Variants in KCNQ1OT1 observed in about 807,000 individuals in gnomAD.
KCNQ1OT1 encodes the protein KCNQ1 antisense RNA 2 (non-protein coding).
In KCNQ1OT1 at chr11:2,626,643, C is replaced by T; in HGVS notation, n.73352G>A. On this transcript the variant is annotated non_coding_transcript_exon_variant, in exon 1 of 1. Coordinates refer to ENST00000597346, the Ensembl canonical transcript of KCNQ1OT1. The surrounding 1 kb of genome is among the most constrained non-coding windows in gnomAD (Gnocchi z 4.0). ...TCCCAGGCTCAAGCAATCCTCCCAC[C>T]TCGGCTTCTTGAGTAGCTGGGAATA... The T allele has an allele frequency of 1.0e-5, 4 of 398,654 alleles. No homozygotes were observed. The highest frequency in any genetic ancestry group is 1.8e-5 in the Non-Finnish European group (4 of 226,112). 24.7% of individuals were successfully genotyped at this position (398,654 alleles called of 1,614,324 possible).
exon 1 of KCNQ1OT1, chr11:2,680,654 C>T (rs1170993532): frequency 7.5e-6 from 3 of 398,442 alleles, no homozygotes; most frequent in South Asian, 1.3e-4. Flanking sequence ...CATTGATAGT[C>T]TCACTACAGG....
rs551695922 is a variant in KCNQ1OT1 at position 2,645,649 on chromosome 11, C to T, written n.54346G>A. On this transcript the variant is annotated non_coding_transcript_exon_variant, in exon 1 of 1. Transcript: ENST00000597346. This position sits in a 1 kb window ranked among gnomAD's most constrained non-coding sequence, Gnocchi z 5.8. ...ACCTTTCCTCATGGCAGCCTTGCTTCGGAGGTAGCAGAGTATTGCCAATGG... is the reference window on the plus strand; with the variant it reads ...ACCTTTCCTCATGGCAGCCTTGCTTTGGAGGTAGCAGAGTATTGCCAATGG... 2.0e-4 allele frequency: 80 copies of T among 398,672 alleles called. No individual in the cohort carries two copies. Among genetic ancestry groups the T allele is most frequent in the African/African-American group, 1.4e-3 (69 of 48,714 alleles). 24.7% of individuals were successfully genotyped at this position (398,672 alleles called of 1,614,324 possible).
At chr11:2,680,138 C>T (rs1164200023) in exon 1 of KCNQ1OT1, 11 of 396,102 alleles carry the variant, frequency 2.8e-5, no homozygotes, top group African/African-American at 1.9e-4. Context: ...GTGATCTGCC[C>T]GCCTCAGCCT....
exon 1 of KCNQ1OT1, chr11:2,680,282 A>G (rs1850372136): frequency 2.5e-6 from 1 of 396,698 alleles, no homozygotes; most frequent in Non-Finnish European, 4.4e-6. Flanking sequence ...TTGAAACTTC[A>G]TTCAATTTAG....
Position 2,657,707 on chromosome 11 carries a change from C to T in KCNQ1OT1, n.42288G>A, listed in dbSNP as rs1283949887. On this transcript the variant is annotated non_coding_transcript_exon_variant, in exon 1 of 1. Coordinates refer to ENST00000597346, the Ensembl canonical transcript of KCNQ1OT1. This position sits in a 1 kb window ranked among gnomAD's most constrained non-coding sequence, Gnocchi z 4.8. ...TCTGTTCCAAGATCCCATCTAGGAT[C>T]GATCATTACATTTATTGTCATCTCT... The T allele has an allele frequency of 7.5e-6, 3 of 398,482 alleles. No individual in the cohort carries two copies. The highest frequency in any genetic ancestry group is 7.1e-5 in the East Asian group (2 of 28,086). 24.7% of individuals were successfully genotyped at this position (398,482 alleles called of 1,614,324 possible).
chr11:2,661,842 G>T lies in KCNQ1OT1; in HGVS notation n.38153C>A. 1 of 1,294,594 alleles carries T rather than the reference G, an allele frequency of 7.7e-7. No homozygotes were observed. The highest frequency in any genetic ancestry group is 1.2e-5 in the South Asian group (1 of 83,614). 80.2% of individuals were successfully genotyped at this position (1,294,594 alleles called of 1,614,324 possible). A position where few individuals can be genotyped will look rare whatever the true frequency, so the allele number is the denominator to read the frequency against. On this transcript the variant is annotated non_coding_transcript_exon_variant, in exon 1 of 1. Coordinates refer to ENST00000597346, the Ensembl canonical transcript of KCNQ1OT1. The surrounding 1 kb of genome is among the most constrained non-coding windows in gnomAD (Gnocchi z 5.9). ...AACTATAAAACTGATTGTCAGGGCTGGAGCTTCCAGGCACAAGCTCCACTC... is the reference window on the plus strand; with the variant it reads ...AACTATAAAACTGATTGTCAGGGCTTGAGCTTCCAGGCACAAGCTCCACTC...
rs902779473 is a variant in KCNQ1OT1, at chr11:2,657,008, C to G, written n.42987G>C. ...TGCTCTTCCCAGGATGTGCAGGCCA[C>G]CTCTGATACACAGCAAGCTTCCATA... On this transcript the variant is annotated non_coding_transcript_exon_variant, in exon 1 of 1. Coordinates refer to ENST00000597346, the Ensembl canonical transcript of KCNQ1OT1. This position sits in a 1 kb window ranked among gnomAD's most constrained non-coding sequence, Gnocchi z 4.8. 1.3e-5 allele frequency: 5 copies of G among 398,610 alleles called. No individual in the cohort carries two copies. The East Asian group carries it at 1.8e-4, about 14-fold the overall frequency. The allele number at this position is 398,610 out of a possible 1,614,324, so 24.7% of individuals were successfully genotyped here.
chr11:2,650,784 A>G, exon 1 of KCNQ1OT1: 1 of 398,610 alleles, frequency 2.5e-6, no homozygotes, highest in East Asian at 3.6e-5. Flanking sequence ...TCTTTCTCCT[A>G]ATACTGCTAA....
exon 1 of KCNQ1OT1, chr11:2,692,363 C>G: frequency 2.5e-6 from 1 of 398,970 alleles, no homozygotes; most frequent in Non-Finnish European, 4.4e-6. Flanking sequence ...CATCTCCTAA[C>G]TGGCATTCTC....
At chr11:2,629,213 T>C (rs376087860) in exon 1 of KCNQ1OT1, 5 of 398,286 alleles carry the variant, frequency 1.3e-5, no homozygotes, top group East Asian at 7.1e-5. Context: ...ATTTATTCTA[T>C]TGATCTATGA....
In KCNQ1OT1 at chr11:2,676,142, T is replaced by C. The variant is rs1850290046; in HGVS notation, n.23853A>G. On this transcript the variant is annotated non_coding_transcript_exon_variant, in exon 1 of 1. Coordinates refer to ENST00000597346, the Ensembl canonical transcript of KCNQ1OT1. The surrounding 1 kb of genome is among the most constrained non-coding windows in gnomAD (Gnocchi z 4.2). Reference sequence around the variant, plus strand: ...GCTCCTTTTTATACAAATGGTAGCATACTGTATGTATTTTTCTACACTTTG... The same window carrying C: ...GCTCCTTTTTATACAAATGGTAGCACACTGTATGTATTTTTCTACACTTTG... 1 of 398,664 alleles carries C rather than the reference T, an allele frequency of 2.5e-6. No homozygotes were observed. The highest frequency in any genetic ancestry group is 4.4e-6 in the Non-Finnish European group (1 of 226,070). The allele number at this position is 398,664 out of a possible 1,614,324, so 24.7% of individuals were successfully genotyped here.
At chr11:2,688,951 CTAGGGCTCTGAGAG>C in exon 1 of KCNQ1OT1, 1 of 398,858 alleles carries the variant, frequency 2.5e-6, no homozygotes, top group South Asian at 1.3e-4. Context: ...CCCACTGGGC[CTAGGGCTCTGAGAG>C]TAGGGGTCTG....
At chr11:2,633,409 C>G (rs1342269058) in exon 1 of KCNQ1OT1, 2 of 398,244 alleles carry the variant, frequency 5.0e-6, no homozygotes, top group African/African-American at 4.1e-5. Flanking sequence ...GTTTTTGTTG[C>G]CTGTGCTTAT....
chr11:2,613,860 G>A lies in KCNQ1OT1; in HGVS notation n.86135C>T, dbSNP rs1000081405. ...GTTTTCTAGTTTATAGTTTGTGTGT[G>A]TTTGCTCTTTATAAGACATGATTAT... On this transcript the variant is annotated non_coding_transcript_exon_variant, in exon 1 of 1. Coordinates refer to ENST00000597346, the Ensembl canonical transcript of KCNQ1OT1. The surrounding 1 kb of genome is among the most constrained non-coding windows in gnomAD (Gnocchi z 4.8). The A allele has an allele frequency of 4.8e-5, 19 of 398,364 alleles. No homozygotes were observed. Among genetic ancestry groups the A allele is most frequent in the East Asian group, 2.8e-4 (8 of 28,072 alleles). The allele number at this position is 398,364 out of a possible 1,614,324, so 24.7% of individuals were successfully genotyped here. A position where few individuals can be genotyped will look rare whatever the true frequency, so the allele number is the denominator to read the frequency against.
Position 2,610,563 on chromosome 11 carries a change from T to C in KCNQ1OT1, n.89432A>G, listed in dbSNP as rs377661735. On this transcript the variant is annotated non_coding_transcript_exon_variant, in exon 1 of 1. Transcript: ENST00000597346. ...TGCTTTTGGATATATGTGAACTTCC[T>C]GGGAGCACTTCCTTTTTGCCTGAAG... The C allele has an allele frequency of 2.6e-4, 103 of 398,472 alleles. No homozygotes were observed. In the East Asian group the frequency reaches 3.5e-3, roughly 13 times the overall value. The allele number at this position is 398,472 out of a possible 1,614,324, so 24.7% of individuals were successfully genotyped here. A position where few individuals can be genotyped will look rare whatever the true frequency, so the allele number is the denominator to read the frequency against.
chr11:2,668,204 C>G lies in KCNQ1OT1; in HGVS notation n.31791G>C. On this transcript the variant is annotated non_coding_transcript_exon_variant, in exon 1 of 1. Transcript: ENST00000597346. The surrounding 1 kb of genome is among the most constrained non-coding windows in gnomAD (Gnocchi z 4.3). ...GCTCCATTGTGTGCATGGCCTACAT[C>G]ATTCATCCATTCTACCACCTGTGGC... The G allele has an allele frequency of 2.5e-6, 1 of 398,666 alleles. No homozygotes were observed. Among genetic ancestry groups the G allele is most frequent in the Non-Finnish European group, 4.4e-6 (1 of 226,084 alleles). The allele number at this position is 398,666 out of a possible 1,614,324, so 24.7% of individuals were successfully genotyped here. A position where few individuals can be genotyped will look rare whatever the true frequency, so the allele number is the denominator to read the frequency against.
rs34514246 is a variant in KCNQ1OT1, at chr11:2,651,202, C to CA, written n.48792dup. On this transcript the variant is annotated non_coding_transcript_exon_variant, in exon 1 of 1. Coordinates refer to ENST00000597346, the Ensembl canonical transcript of KCNQ1OT1. The surrounding 1 kb of genome is among the most constrained non-coding windows in gnomAD (Gnocchi z 6.1). The stretch of plus-strand genomic sequence containing the variant: ...CTCAAATGTTCCGACAGCTTCCTGT[C>CA]ACCCTGTCTTGTGTCAGTCTCACAG... The CA allele has an allele frequency of 0.094, 37,352 of 398,644 alleles. 1,985 individuals are homozygous for CA. The highest frequency in any genetic ancestry group is 0.15 in the Middle Eastern group (237 of 1,588). The allele number at this position is 398,644 out of a possible 1,614,324, so 24.7% of individuals were successfully genotyped here. A position where few individuals can be genotyped will look rare whatever the true frequency, so the allele number is the denominator to read the frequency against.
At position 2,656,210 on chromosome 11, in the gene KCNQ1OT1, G is replaced by GGA. The variant is rs141507537; in HGVS notation, n.43783_43784dup. 6.7e-3 allele frequency: 2,661 copies of GGA among 398,624 alleles called. 65 individuals carry two copies. In the South Asian group the frequency reaches 0.067, roughly 10 times the overall value. 24.7% of individuals were successfully genotyped at this position (398,624 alleles called of 1,614,324 possible). A position where few individuals can be genotyped will look rare whatever the true frequency, so the allele number is the denominator to read the frequency against. ...CTTCCTTTAAAAAAAATTGAATCCT[G>GGA]GATGAAGTTTTAGCTCTGTCACTTG... On this transcript the variant is annotated non_coding_transcript_exon_variant, in exon 1 of 1. Coordinates refer to ENST00000597346, the Ensembl canonical transcript of KCNQ1OT1.
exon 1 of KCNQ1OT1, chr11:2,630,160 C>T (rs571459109): frequency 4.3e-5 from 17 of 398,244 alleles, no homozygotes; most frequent in African/African-American, 3.3e-4. Flanking sequence ...GCATTATTTG[C>T]ACTTATCAAA....
Sources: gnomAD v4.1 joint callset for allele counts on GRCh38, gnomAD v4.1.1 for gene constraint, Gnocchi (gnomAD v3.1) non-coding constraint, MANE v1.5 for transcripts, NCBI Gene and HGNC (gene_info 2026-07-23, HGNC 2026-07-21) for gene names.